The following PIK3R1 variants were observed in gnomAD, a reference collection of about 807,000 sequenced individuals.
The protein encoded by PIK3R1 is phosphoinositide-3-kinase regulatory subunit 1, also known as phosphatidylinositol 3-kinase regulatory subunit alpha.
A neutral mutation model predicts 98.0 loss-of-function variants in PIK3R1; 29 were observed. That is an observed-to-expected ratio of 0.30 (90% CI 0.22 to 0.40). The LOEUF (loss-of-function observed/expected upper bound fraction) is 0.40. PIK3R1 is among the 10% of genes least tolerant of loss of function. PIK3R1 has a pLI of 1.00. For missense variants in PIK3R1, 596 were observed against 872.7 expected (o/e 0.68, Z 3.99); for synonymous variants, 282 against 311.8 (o/e 0.90, Z 1.01).
At chr5:68,231,198 G>A (rs960423300) in intron 2 of PIK3R1, among the ~76,000 whole-genome samples, 2 of 152,208 alleles carry the variant, frequency 1.3e-5, no homozygotes, top group African/African-American at 4.8e-5. Context: ...TTAAAGTCAT[G>A]CTAATGCAGA....
At position 68,226,894 on chromosome 5, in the gene PIK3R1, C is replaced by T. The variant is rs706713; in HGVS notation, c.219C>T (p.Tyr73=). ...AAAGGGGGGACTTTCCGGGAACTTA[C>T]GTAGAATATATTGGAAGGAAAAAAA... ...TGERGDFPGT[Y]VEYIGRKKIS... Residue 73 remains tyrosine, a synonymous_variant, in exon 2 of 16, where the codon TAC becomes TAT. Coordinates refer to ENST00000521381, the MANE Select transcript of PIK3R1 (RefSeq NM_181523.3). The T allele has an allele frequency of 0.27, 437,625 of 1,613,626 alleles. 66,189 individuals are homozygous for T. The highest frequency in any genetic ancestry group is 0.71 in the East Asian group (31,638 of 44,858).
In PIK3R1 at chr5:68,226,980, C is replaced by T. The variant is rs368742778; in HGVS notation, c.305C>T (p.Ser102Leu). ...PRPLPVAPGS[S>L]KTEADVEQQA... ...CCTCTTCCTGTTGCACCAGGTTCTT[C>T]GAAAACTGAAGCAGATGTTGAACAA... The change falls in exon 2 of 16, where the codon TCG becomes TTG. Residue 102 changes from serine to leucine, a missense_variant. Ser to Leu is a moderately radical substitution (Grantham distance 145). Around this residue, in one of 3 missense-constraint regions of PIK3R1, gnomAD observed 352 missense variants for 393.3 expected, o/e 0.90. Transcript: ENST00000521381. 264 of 1,612,758 alleles carry T rather than the reference C, an allele frequency of 1.6e-4. No homozygotes were observed. The highest frequency in any genetic ancestry group is 1.1e-3 in the South Asian group (102 of 90,986).
At position 68,293,204 on chromosome 5, in the gene PIK3R1, G is replaced by A. The variant is rs773388284; in HGVS notation, c.1118+5G>A. The A allele has an allele frequency of 1.9e-6, 3 of 1,611,348 alleles. No homozygotes were observed. The highest frequency in any genetic ancestry group is 2.5e-6 in the Non-Finnish European group (3 of 1,177,866). On this transcript the variant is annotated splice_donor_5th_base_variant and intron_variant, in intron 9 of 15. Coordinates refer to ENST00000521381, the MANE Select transcript of PIK3R1 (RefSeq NM_181523.3). ...TGATTATACTCTTACACTAAGGTAAGCCAGGGAATATAGCTGAAATTAGGG... is the reference window on the plus strand; with the variant it reads ...TGATTATACTCTTACACTAAGGTAAACCAGGGAATATAGCTGAAATTAGGG...
intron 2 of PIK3R1, among the ~76,000 whole-genome samples, chr5:68,264,352 A>G (rs1746034176): frequency 6.6e-6 from 1 of 152,204 alleles, no homozygotes; most frequent in Non-Finnish European, 1.5e-5. Flanking sequence ...GGCATCATGC[A>G]GTTTGTCTGC....
intron 2 of PIK3R1, among the ~76,000 whole-genome samples, chr5:68,262,717 A>G (rs138163105): frequency 1.2e-4 from 15 of 124,178 alleles, no homozygotes; most frequent in African/African-American, 2.0e-4. Context: ...ATGTAGATGC[A>G]TGTATACATA....
chr5:68,298,450 T>C lies in PIK3R1; in HGVS notation c.*849T>C. 1 of 233,390 alleles carries C rather than the reference T, an allele frequency of 4.3e-6. No individual in the cohort carries two copies. The highest frequency in any genetic ancestry group is 8.5e-6 in the Non-Finnish European group (1 of 117,870). 14.5% of individuals were successfully genotyped at this position (233,390 alleles called of 1,614,324 possible). ...ATTAAGTTGTTATTTCAGTTTTAAA[T>C]GTACCTTCAGAATAAGCTTCCCCAC... is the stretch of plus-strand genomic sequence containing the variant. On this transcript the variant is annotated 3_prime_UTR_variant, in exon 16 of 16. Transcript: ENST00000521381.
chr5:68,279,661 C>T lies in PIK3R1; in HGVS notation c.562C>T (p.Arg188Cys), dbSNP rs547196342. 22 of 1,613,888 alleles carry T rather than the reference C, an allele frequency of 1.4e-5. No homozygotes were observed. The highest frequency in any genetic ancestry group is 1.1e-4 in the South Asian group (10 of 91,076). ...GCACGTTTTGGCTGACGCTTTCAAA[C>T]GCTATCTCCTGGACTTACCAAATCC... Reference protein sequence around the residue: ...DVHVLADAFKRYLLDLPNPVI... With the variant: ...DVHVLADAFKCYLLDLPNPVI... The change falls in exon 5 of 16, where the codon CGC becomes TGC. Residue 188 changes from arginine to cysteine, a missense_variant. By Grantham distance (180) the Arg-to-Cys change is radical (BLOSUM62 -3). Coordinates refer to ENST00000521381, the MANE Select transcript of PIK3R1 (RefSeq NM_181523.3).
chr5:68,239,142 C>T (rs1473734885), intron 2 of PIK3R1, among the ~76,000 whole-genome samples: 5 of 152,102 alleles, frequency 3.3e-5, no homozygotes, highest in African/African-American at 7.2e-5. Context: ...CTCTTGTTCA[C>T]GTGGGAGTAC....
intron 4 of PIK3R1, 139 bp from the exon 5 acceptor site, chr5:68,279,463 G>A: frequency 1.5e-6 from 1 of 680,494 alleles, no homozygotes. Context: ...CGAATACTTT[G>A]TGTCTTGTAT....
chr5:68,228,714 A>AT (rs1744370376), intron 2 of PIK3R1, among the ~76,000 whole-genome samples: 1 of 93,916 alleles, frequency 1.1e-5, no homozygotes, highest in Non-Finnish European at 2.0e-5. Flanking sequence ...GAATCATAAA[A>AT]ATAGTTGAAT....
chr5:68,264,872 A>T (rs1746058550), intron 2 of PIK3R1, among the ~76,000 whole-genome samples: 1 of 152,168 alleles, frequency 6.6e-6, no homozygotes, highest in African/African-American at 2.4e-5. Context: ...CTCTCTTTTG[A>T]TACCTAATTC....
At chr5:68,250,285 A>G (rs1580201259) in intron 2 of PIK3R1, among the ~76,000 whole-genome samples, 1 of 152,134 alleles carries the variant, frequency 6.6e-6, no homozygotes, top group African/African-American at 2.4e-5. Context: ...GGTCCTAGAG[A>G]CAGGCCCCAG....
At chr5:68,288,602 C>G in intron 7 of PIK3R1, 8 of 1,551,080 alleles carry the variant, frequency 5.2e-6, no homozygotes, top group Non-Finnish European at 6.9e-6. Context: ...CTCTCGGCGC[C>G]GGACACGAGC....
chr5:68,278,810 C>G (rs1024031879), intron 4 of PIK3R1, among the ~76,000 whole-genome samples: 9 of 152,018 alleles, frequency 5.9e-5, no homozygotes, highest in Non-Finnish European at 1.3e-4. Context: ...CGTGGTGGTA[C>G]ACACCTGTAA....
Position 68,219,385 on chromosome 5 carries a change from T to C in PIK3R1, c.-387+3436T>C, listed in dbSNP as rs897404304. Among the ~76,000 whole-genome samples, 4 of 152,048 alleles carry C rather than the reference T, an allele frequency of 2.6e-5. 1 individual carries two copies. The highest frequency in any genetic ancestry group is 5.9e-5 in the Non-Finnish European group (4 of 67,996). On this transcript the variant is annotated intron_variant, in intron 1 of 15. Transcript: ENST00000521381. The stretch of plus-strand genomic sequence containing the variant: ...AGTGTGAGGAGGCTCCACCAGTGAG[T>C]GTAGTGAGTTAATAAAGCCAAGGCA...
chr5:68,252,387 G>A (rs896215131), intron 2 of PIK3R1, among the ~76,000 whole-genome samples: 1 of 150,150 alleles, frequency 6.7e-6, no homozygotes, highest in Non-Finnish European at 1.5e-5. Flanking sequence ...AAAAAAAAGT[G>A]GGGGGATCAG....
At chr5:68,218,364 A>G (rs561596634) in intron 1 of PIK3R1, among the ~76,000 whole-genome samples, 2 of 152,114 alleles carry the variant, frequency 1.3e-5, no homozygotes, top group Non-Finnish European at 2.9e-5. Context: ...ACATTTTTCC[A>G]TGACTGTCAT....
At chr5:68,282,428 G>A (rs748062164) in intron 7 of PIK3R1, among the ~76,000 whole-genome samples, 3 of 152,144 alleles carry the variant, frequency 2.0e-5, no homozygotes, top group Non-Finnish European at 4.4e-5. Context: ...GGGTAGTCCT[G>A]ATCTTTTCAG....
intron 2 of PIK3R1, among the ~76,000 whole-genome samples, chr5:68,236,190 AT>A: frequency 6.7e-6 from 1 of 149,414 alleles, no homozygotes; most frequent in East Asian, 2.0e-4. Context: ...TTTTATAGAC[AT>A]TTTTCATTTG....
Sources: allele counts gnomAD v4.1 joint callset (sites outside exome capture counted in the v4.1 genomes callset), GRCh38; gene constraint gnomAD v4.1.1; regional missense constraint gnomAD v4.1.1; transcripts MANE v1.5; gene names NCBI Gene and HGNC (gene_info 2026-07-23, HGNC 2026-07-21).